Variants in SESTD1 observed in about 807,000 individuals in gnomAD.
SESTD1 encodes the protein SEC14 and spectrin domain containing 1.
SESTD1 carries 43 observed loss-of-function variants against 101.7 expected under a neutral mutation model. The ratio of observed to expected loss-of-function variants is 0.42; its 90% CI spans 0.33 to 0.55. The LOEUF is 0.55. SESTD1 is among the 20% of genes least tolerant of loss of function. The pLI, the probability that SESTD1 is intolerant of heterozygous loss-of-function variation, is 0.07. For synonymous variants in SESTD1, 283 were observed against 286.8 expected (o/e 0.99, Z 0.13); for missense variants, 647 against 815.1 (o/e 0.79, Z 2.51).
chr2:179,250,020 C>T (rs2047292621), intron 1 of SESTD1, among the ~76,000 whole-genome samples: 1 of 151,880 alleles, frequency 6.6e-6, no homozygotes, highest in Non-Finnish European at 1.5e-5. Flanking sequence ...GGATCTAGAG[C>T]TGAAATTTCA....
At chr2:179,253,720 T>C (rs1217430932) in intron 1 of SESTD1, among the ~76,000 whole-genome samples, 1 of 152,168 alleles carries the variant, frequency 6.6e-6, no homozygotes, top group Non-Finnish European at 1.5e-5. Flanking sequence ...CATAAGAATC[T>C]GATGACACTG....
chr2:179,245,887 CT>C (rs1182140861), intron 1 of SESTD1, among the ~76,000 whole-genome samples: 1 of 152,132 alleles, frequency 6.6e-6, no homozygotes, highest in Non-Finnish European at 1.5e-5. Flanking sequence ...CAACTAATTG[CT>C]CCCTACAAGA....
At chr2:179,183,291 G>T in intron 2 of SESTD1, 103 bp from the exon 3 acceptor site, 1 of 655,612 alleles carries the variant, frequency 1.5e-6, no homozygotes, top group Non-Finnish European at 2.3e-6. Flanking sequence ...ATAAGTTTAA[G>T]ATATAATTTG....
intron 1 of SESTD1, among the ~76,000 whole-genome samples, chr2:179,200,206 A>G (rs1366965240): frequency 6.6e-6 from 1 of 152,068 alleles, no homozygotes; most frequent in African/African-American, 2.4e-5. Flanking sequence ...TAGGAATCCA[A>G]CTTACAAGGG....
At chr2:179,198,778 C>T (rs1301943139) in intron 1 of SESTD1, among the ~76,000 whole-genome samples, 1 of 151,942 alleles carries the variant, frequency 6.6e-6, no homozygotes, top group African/African-American at 2.4e-5. Flanking sequence ...ACACAACATA[C>T]CAGAATTTCT....
Position 179,214,813 on chromosome 2 carries a change from T to G in SESTD1, c.-25-22947A>C, listed in dbSNP as rs888924551. On this transcript the variant is annotated intron_variant, in intron 1 of 17. Coordinates refer to ENST00000428443, the MANE Select transcript of SESTD1 (RefSeq NM_178123.5). ...CTCTCAGACCACAGTGCAAACAAAT[T>G]AGAATTCAGGATTAAGAAACTCACT... 4.4e-5 allele frequency among the ~76,000 whole-genome samples: 6 copies of G among 134,938 alleles called. 1 individual carries two copies. Among genetic ancestry groups the G allele is most frequent in the Non-Finnish European group, 9.6e-5 (6 of 62,746 alleles). The allele number at this position is 134,938 out of a possible 152,430, so 88.5% of individuals were successfully genotyped here.
intron 3 of SESTD1, among the ~76,000 whole-genome samples, chr2:179,177,809 T>A (rs930793359): frequency 6.6e-6 from 1 of 152,110 alleles, no homozygotes; most frequent in Admixed American, 6.5e-5. Flanking sequence ...GTCCACCAAC[T>A]AATGAAGAGG....
At chr2:179,254,105 AAAAAT>A (rs1336205044) in intron 1 of SESTD1, among the ~76,000 whole-genome samples, 1 of 152,124 alleles carries the variant, frequency 6.6e-6, no homozygotes, top group African/African-American at 2.4e-5. Context: ...GTCTCGAAAA[AAAAAT>A]AAAATAATAA....
chr2:179,187,106 T>A (rs1364696922), intron 2 of SESTD1, among the ~76,000 whole-genome samples: 1 of 151,806 alleles, frequency 6.6e-6, no homozygotes, highest in Non-Finnish European at 1.5e-5. Flanking sequence ...ACCAAAGAGA[T>A]CCTTAAGGGA....
At chr2:179,114,634 TTA>T in intron 16 of SESTD1, among the ~76,000 whole-genome samples, 1 of 147,570 alleles carries the variant, frequency 6.8e-6, no homozygotes, top group South Asian at 2.1e-4. Context: ...GTCCTTATTC[TTA>T]TTTTTTTAAT....
chr2:179,252,241 T>G (rs905732246), intron 1 of SESTD1, among the ~76,000 whole-genome samples: 2 of 152,198 alleles, frequency 1.3e-5, no homozygotes, highest in African/African-American at 2.4e-5. Flanking sequence ...CTCACTCTAT[T>G]TCTAATCTTG....
In SESTD1 at chr2:179,107,957, A is replaced by T. The variant is rs1272396964; in HGVS notation, c.*1942T>A. The T allele has an allele frequency of 1.3e-5, 2 of 152,224 alleles. No homozygotes were observed. Among genetic ancestry groups the T allele is most frequent in the African/African-American group, 4.8e-5 (2 of 41,466 alleles). 9.4% of individuals were successfully genotyped at this position (152,224 alleles called of 1,614,324 possible). On this transcript the variant is annotated 3_prime_UTR_variant, in exon 18 of 18. Coordinates refer to ENST00000428443, the MANE Select transcript of SESTD1 (RefSeq NM_178123.5). ...TTCCTGGATGTTCTCAGAAGCAGTG[A>T]CCACATAAGACAAGAGGGAGCAGTT...
chr2:179,237,797 A>C (rs1179522742), intron 1 of SESTD1, among the ~76,000 whole-genome samples: 1 of 152,050 alleles, frequency 6.6e-6, no homozygotes, highest in Non-Finnish European at 1.5e-5. Context: ...CTCATCAGAG[A>C]CTCCATGGGA....
intron 13 of SESTD1, among the ~76,000 whole-genome samples, chr2:179,120,085 C>G (rs1446251149): frequency 6.6e-6 from 1 of 151,884 alleles, no homozygotes; most frequent in Non-Finnish European, 1.5e-5. Flanking sequence ...AAAAATTAGC[C>G]GGGTGCAGTG....
At chr2:179,195,736 T>C (rs185285954) in intron 1 of SESTD1, among the ~76,000 whole-genome samples, 57 of 151,888 alleles carry the variant, frequency 3.8e-4, no homozygotes, top group African/African-American at 1.0e-3. Context: ...TTTTCCCTAA[T>C]TCACAGGTTA....
chr2:179,196,446 G>A (rs541328520), intron 1 of SESTD1, among the ~76,000 whole-genome samples: 2 of 152,360 alleles, frequency 1.3e-5, no homozygotes, highest in South Asian at 4.1e-4. Flanking sequence ...AAACTGGGTG[G>A]AGCCCACCAC....
rs1344020542 is a variant in SESTD1, at chr2:179,211,791, A to C, written c.-25-19925T>G. 8.4e-5 allele frequency among the ~76,000 whole-genome samples: 11 copies of C among 130,780 alleles called. 3 individuals carry two copies. Among genetic ancestry groups the C allele is most frequent in the Non-Finnish European group, 1.8e-4 (11 of 61,702 alleles). The allele number at this position is 130,780 out of a possible 152,430, so 85.8% of individuals were successfully genotyped here. A position where few individuals can be genotyped will look rare whatever the true frequency, so the allele number is the denominator to read the frequency against. ...CAAACAACATATGTTCTCACTTATA[A>C]GTGGGAGCTAAGATATGAGGATACG... On this transcript the variant is annotated intron_variant, in intron 1 of 17. Coordinates refer to ENST00000428443, the MANE Select transcript of SESTD1 (RefSeq NM_178123.5).
rs1388156025 is a variant in SESTD1 at position 179,116,657 on chromosome 2, C to T, written c.1647+11G>A. On this transcript the variant is annotated intron_variant, in intron 15 of 17. Transcript: ENST00000428443. ...TGAGCTTGTGGAAAAGGAAGATAAC[C>T]AGTTTTGCACCTGTGCAACATCAAC... is the stretch of plus-strand genomic sequence containing the variant. The T allele has an allele frequency of 6.2e-7, 1 of 1,614,014 alleles. No individual in the cohort carries two copies. The highest frequency in any genetic ancestry group is 1.3e-5 in the African/African-American group (1 of 75,034).
At chr2:179,232,854 A>G (rs961615571) in intron 1 of SESTD1, among the ~76,000 whole-genome samples, 2 of 152,204 alleles carry the variant, frequency 1.3e-5, no homozygotes, top group African/African-American at 4.8e-5. Flanking sequence ...AAAGAACTAT[A>G]TACATGAGAA....
Sources: gnomAD v4.1 joint callset for allele counts (sites outside exome capture counted in the v4.1 genomes callset) on GRCh38, gnomAD v4.1.1 for gene constraint, MANE v1.5 for transcripts, NCBI Gene and HGNC (gene_info 2026-07-23, HGNC 2026-07-21) for gene names.